PCDHA6: variants seen among roughly 807,000 people sequenced by gnomAD.
PCDHA6 encodes the protein protocadherin alpha 6.
PCDHA6 carries 55 observed loss-of-function variants against 60.3 expected under a neutral mutation model. The ratio of observed to expected loss-of-function variants is 0.91; its 90% CI spans 0.73 to 1.14. The LOEUF is 1.14. Ranked by LOEUF, PCDHA6 falls within the 50% of genes most tolerant of loss-of-function variation. The probability of loss-of-function intolerance (pLI) is 0.00; values close to 1 mark genes in which losing one functional copy is unlikely to be tolerated. For missense variants in PCDHA6, 1,327 were observed against 1,256.5 expected (o/e 1.06, Z -0.85); for synonymous variants, 652 against 557.9 (o/e 1.17, Z -2.38).
chr5:140,999,372 G>A (rs1029178969), intron 3 of PCDHA6, among the ~76,000 whole-genome samples: 3 of 152,188 alleles, frequency 2.0e-5, no homozygotes, highest in Non-Finnish European at 1.5e-5. Context: ...AATCCCATTA[G>A]ATGGTTATTG....
chr5:140,828,044 C>T lies in PCDHA6; in HGVS notation c.-48C>T. The T allele has an allele frequency of 6.5e-7, 1 of 1,542,076 alleles. No individual in the cohort carries two copies. Among genetic ancestry groups the T allele is most frequent in the Non-Finnish European group, 8.7e-7 (1 of 1,147,368 alleles). On this transcript the variant is annotated 5_prime_UTR_variant, in exon 1 of 4. Coordinates refer to ENST00000529310, the MANE Select transcript of PCDHA6 (RefSeq NM_018909.4). ...AATTCCGGAACATACAGTATTTTAT[C>T]TTTATGCGGAAGATCTTCTAATGGA...
intron 1 of PCDHA6, among the ~76,000 whole-genome samples, chr5:140,917,059 G>A (rs1174473146): frequency 6.6e-6 from 1 of 152,044 alleles, no homozygotes; most frequent in Non-Finnish European, 1.5e-5. Context: ...TCCCTGCTAC[G>A]ACAGCACCGA....
In PCDHA6 at chr5:140,833,703, A is replaced by C. The variant is rs1170521350; in HGVS notation, c.2394+3218A>C. On this transcript the variant is annotated intron_variant, in intron 1 of 3. Transcript: ENST00000529310. ...AACCTTCTCTTATTTTGTTTTCCCA[A>C]GAGAAGTGTCTGGATAGTTGCTAAT... Among the ~76,000 whole-genome samples the C allele has an allele frequency of 3.9e-5, 6 of 152,270 alleles. No homozygotes were observed. In the South Asian group the frequency reaches 8.3e-4, roughly 21 times the overall value.
intron 1 of PCDHA6, among the ~76,000 whole-genome samples, chr5:140,954,347 G>A (rs145658065): frequency 0.023 from 3,565 of 152,288 alleles, 49 homozygotes; most frequent in Middle Eastern, 0.034. Flanking sequence ...CTAGATCTTT[G>A]AGGAATCGCC....
chr5:140,845,716 T>C (rs1554140984), intron 1 of PCDHA6, among the ~76,000 whole-genome samples: 1 of 149,718 alleles, frequency 6.7e-6, no homozygotes, highest in Non-Finnish European at 1.5e-5. Context: ...TATGTATGCA[T>C]GATAAATGTG....
chr5:140,994,190 C>G (rs1377695035), intron 3 of PCDHA6, among the ~76,000 whole-genome samples: 1 of 152,136 alleles, frequency 6.6e-6, no homozygotes, highest in Non-Finnish European at 1.5e-5. Context: ...ACCACCAGGG[C>G]CTGTTGGTCC....
intron 1 of PCDHA6, chr5:140,884,803 C>A: frequency 1.6e-6 from 2 of 1,225,132 alleles, no homozygotes; most frequent in Non-Finnish European, 2.2e-6. Context: ...AATTTAACAA[C>A]TCTGCTGTGG....
At chr5:140,894,296 C>T (rs1434101692) in intron 1 of PCDHA6, among the ~76,000 whole-genome samples, 4 of 151,798 alleles carry the variant, frequency 2.6e-5, no homozygotes, top group African/African-American at 4.8e-5. Flanking sequence ...AGTTTATTTT[C>T]CTGGAAAGTT....
At chr5:140,963,244 T>G (rs934081934) in intron 1 of PCDHA6, among the ~76,000 whole-genome samples, 6 of 152,104 alleles carry the variant, frequency 3.9e-5, no homozygotes, top group Admixed American at 3.3e-4. Flanking sequence ...ATGGATTAGG[T>G]AGGTTTTCAT....
In PCDHA6 at chr5:141,010,735, T is replaced by G. The variant is rs192374006; in HGVS notation, c.*798T>G. On this transcript the variant is annotated 3_prime_UTR_variant, in exon 4 of 4. Coordinates refer to ENST00000529310, the MANE Select transcript of PCDHA6 (RefSeq NM_018909.4). ...GTGCTCACTTTATTAAAAATTCTTT[T>G]GCACACAATGTTTATGAAAAGGCCA... The G allele has an allele frequency of 6.5e-6, 1 of 154,174 alleles. No individual in the cohort carries two copies. The highest frequency in any genetic ancestry group is 1.5e-5 in the Non-Finnish European group (1 of 68,224). 9.6% of individuals were successfully genotyped at this position (154,174 alleles called of 1,614,324 possible). A position where few individuals can be genotyped will look rare whatever the true frequency, so the allele number is the denominator to read the frequency against.
intron 1 of PCDHA6, chr5:140,883,801 C>T (rs782690228): frequency 4.3e-6 from 7 of 1,612,430 alleles, no homozygotes; most frequent in Non-Finnish European, 5.9e-6. Context: ...TGTCGGTGCA[C>T]GCGGAGAGCG....
intron 2 of PCDHA6, among the ~76,000 whole-genome samples, chr5:140,981,156 T>C (rs747008016): frequency 2.9e-4 from 44 of 152,360 alleles, no homozygotes; most frequent in Admixed American, 6.5e-4. Context: ...ATTGAACTTA[T>C]ATGTTGCCTT....
Position 140,881,064 on chromosome 5 carries a change from T to C in PCDHA6, c.2394+50579T>C, listed in dbSNP as rs191524582. On this transcript the variant is annotated intron_variant, in intron 1 of 3. Transcript: ENST00000529310. ...AGAGTTGTGCACAGAACAGGCCAGA[T>C]AATTATTGGAGCTATGATATATTTT... Among the ~76,000 whole-genome samples, 392 of 152,302 alleles carry C rather than the reference T, an allele frequency of 2.6e-3. 1 individual carries two copies. The highest frequency in any genetic ancestry group is 9.1e-3 in the African/African-American group (379 of 41,556).
Position 140,883,713 on chromosome 5 carries a change from C to G in PCDHA6, c.2394+53228C>G, listed in dbSNP as rs782438050. ...ATCTTCACGGTGTCTGCTCAGGACG[C>G]GGACGCACAGGAGAACGCGCTGGTC... On this transcript the variant is annotated intron_variant, in intron 1 of 3. Coordinates refer to ENST00000529310, the MANE Select transcript of PCDHA6 (RefSeq NM_018909.4). 2.5e-6 allele frequency: 4 copies of G among 1,613,520 alleles called. No homozygotes were observed. The East Asian group carries it at 8.9e-5, about 36-fold the overall frequency.
intron 1 of PCDHA6, chr5:140,871,435 G>T: frequency 6.2e-7 from 1 of 1,612,454 alleles, no homozygotes; most frequent in Non-Finnish European, 8.5e-7. Context: ...TCTTCCTCTA[G>T]GTCTGAATAA....
In PCDHA6 at chr5:140,856,890, G is replaced by A. The variant is rs782469336; in HGVS notation, c.2394+26405G>A. On this transcript the variant is annotated intron_variant, in intron 1 of 3. Transcript: ENST00000529310. ...AACAAGGAAATGATGTATTCATTTA[G>A]CTCTTTGGTCCCACCCACGATAAGA... 2.1e-5 allele frequency: 34 copies of A among 1,596,056 alleles called. 3 individuals carry two copies. The highest frequency in any genetic ancestry group is 2.9e-5 in the Non-Finnish European group (34 of 1,165,980).
At chr5:140,979,126 A>G in intron 2 of PCDHA6, 119 bp downstream of exon 2, 2 of 1,481,366 alleles carry the variant, frequency 1.4e-6, no homozygotes, top group South Asian at 1.4e-5. Context: ...GTACTTTGCC[A>G]GGAAAATGCA....
At chr5:140,838,208 G>A (rs1272239930) in intron 1 of PCDHA6, among the ~76,000 whole-genome samples, 1 of 150,064 alleles carries the variant, frequency 6.7e-6, no homozygotes, top group Non-Finnish European at 1.5e-5. Flanking sequence ...CCGCCTCTCT[G>A]GTACAAGCAG....
At chr5:140,842,290 G>A (rs2150333533) in intron 1 of PCDHA6, 1 of 1,610,202 alleles carries the variant, frequency 6.2e-7, no homozygotes, top group South Asian at 1.1e-5. Flanking sequence ...TTGACGCCAC[G>A]GACAAAGGCC....
Sources: allele counts gnomAD v4.1 joint callset (sites outside exome capture counted in the v4.1 genomes callset), GRCh38; gene constraint gnomAD v4.1.1; transcripts MANE v1.5; gene names NCBI Gene and HGNC (gene_info 2026-07-23, HGNC 2026-07-21).